The following ADGRL3 variants were observed in gnomAD, a reference collection of about 807,000 sequenced individuals.
ADGRL3 encodes the protein calcium-independent alpha-latrotoxin receptor 3.
In ADGRL3, 62 loss-of-function variants were observed where a neutral mutation model predicts 153.5. The ratio of observed to expected loss-of-function variants is 0.40; its 90% CI spans 0.33 to 0.50. ADGRL3 has a LOEUF of 0.50. Among genes scored for constraint, ADGRL3 ranks in the 20% least tolerant of loss-of-function variants. The pLI, the probability that ADGRL3 is intolerant of heterozygous loss-of-function variation, is 0.47. For missense variants in ADGRL3, 1,641 were observed against 1,859.4 expected, an observed-to-expected ratio of 0.88 and a Z score of 2.16; for synonymous variants, 710 against 672.5, an observed-to-expected ratio of 1.06 and a Z score of -0.86.
intron 26 of ADGRL3, among the ~76,000 whole-genome samples, chr4:62,069,526 A>G (rs1277897591): frequency 2.6e-5 from 4 of 152,034 alleles, no homozygotes; most frequent in African/African-American, 9.7e-5. Flanking sequence ...GAAATTTAAC[A>G]TAATCCTTTT....
At chr4:61,789,880 C>T (rs1348301067) in intron 8 of ADGRL3, among the ~76,000 whole-genome samples, 3 of 152,026 alleles carry the variant, frequency 2.0e-5, no homozygotes, top group Non-Finnish European at 4.4e-5. Context: ...AATACAAATG[C>T]ATGAATGAGC....
chr4:61,820,436 A>G (rs2097739306), intron 9 of ADGRL3, among the ~76,000 whole-genome samples: 1 of 151,438 alleles, frequency 6.6e-6, no homozygotes, highest in South Asian at 2.1e-4. Flanking sequence ...AGCTGCCACT[A>G]TAAATAGAAA....
At chr4:61,238,537 C>T (rs1753719961) in intron 1 of ADGRL3, among the ~76,000 whole-genome samples, 1 of 151,596 alleles carries the variant, frequency 6.6e-6, no homozygotes, top group South Asian at 2.1e-4. Context: ...GTGCTTACAG[C>T]AGTAATACCC....
At chr4:61,611,587 T>G (rs1050769987) in intron 5 of ADGRL3, among the ~76,000 whole-genome samples, 9 of 152,082 alleles carry the variant, frequency 5.9e-5, no homozygotes, top group African/African-American at 1.4e-4. Flanking sequence ...GTAAATATCT[T>G]TTTTTACATT....
chr4:61,211,310 C>A (rs2148855212), intron 1 of ADGRL3, among the ~76,000 whole-genome samples: 1 of 152,256 alleles, frequency 6.6e-6, no homozygotes, highest in East Asian at 1.9e-4. Flanking sequence ...CAGTTCCATG[C>A]CCCTACCCAG....
chr4:61,764,979 G>A (rs1015670864), intron 8 of ADGRL3, among the ~76,000 whole-genome samples: 2 of 151,918 alleles, frequency 1.3e-5, no homozygotes, highest in African/African-American at 4.8e-5. Context: ...GAAACTAAAT[G>A]GAATAACAGA....
chr4:62,021,087 A>T (rs559158667), intron 21 of ADGRL3, among the ~76,000 whole-genome samples: 201 of 151,608 alleles, frequency 1.3e-3, no homozygotes, highest in African/African-American at 4.7e-3. Flanking sequence ...AAAATACTTT[A>T]AAAAAAAACC....
intron 1 of ADGRL3, among the ~76,000 whole-genome samples, chr4:61,273,146 C>T (rs72634736): frequency 0.016 from 2,415 of 152,174 alleles, 32 homozygotes; most frequent in Middle Eastern, 0.037. Context: ...TTGTTGCTAT[C>T]GTTTTTAACA....
chr4:62,019,207 A>T (rs2151355733), intron 21 of ADGRL3, among the ~76,000 whole-genome samples: 1 of 152,124 alleles, frequency 6.6e-6, no homozygotes, highest in East Asian at 1.9e-4. Flanking sequence ...TTTTTCATTT[A>T]GGCCTAATCT....
rs1560571357 is a variant in ADGRL3 at position 61,397,188 on chromosome 4, C to T, written c.-174+13999C>T. ...AAAGTTATGTCTTTTAAACCACAAACTTTTTTTCTTGCAGATTAACATTGC... is the reference window on the plus strand; with the variant it reads ...AAAGTTATGTCTTTTAAACCACAAATTTTTTTTCTTGCAGATTAACATTGC... On this transcript the variant is annotated intron_variant, in intron 2 of 26. Transcript: ENST00000683033. 2.0e-5 allele frequency among the ~76,000 whole-genome samples: 3 copies of T among 151,560 alleles called. 1 individual carries two copies. The highest frequency in any genetic ancestry group is 2.0e-4 in the Admixed American group (3 of 15,174).
chr4:61,345,706 CT>C (rs2095887217), intron 1 of ADGRL3, among the ~76,000 whole-genome samples: 1 of 152,150 alleles, frequency 6.6e-6, no homozygotes, highest in Non-Finnish European at 1.5e-5. Flanking sequence ...TTTTCTGTTT[CT>C]TTTGTCCTCT....
intron 21 of ADGRL3, among the ~76,000 whole-genome samples, chr4:62,013,733 C>A (rs2099198041): frequency 6.6e-6 from 1 of 151,622 alleles, no homozygotes; most frequent in African/African-American, 2.4e-5. Flanking sequence ...ACTAAAAATA[C>A]AAAAATTAGC....
chr4:61,927,112 G>A (rs910379123), intron 13 of ADGRL3, among the ~76,000 whole-genome samples: 23 of 152,048 alleles, frequency 1.5e-4, no homozygotes, highest in Admixed American at 1.4e-3. Context: ...TCACTATATT[G>A]CCATTACCTT....
intron 2 of ADGRL3, among the ~76,000 whole-genome samples, chr4:61,431,778 C>G (rs894326821): frequency 5.9e-5 from 9 of 152,142 alleles, no homozygotes; most frequent in African/African-American, 9.7e-5. Flanking sequence ...TTCTTGTCTG[C>G]TAAAATCATG....
At chr4:62,069,968 C>T in intron 26 of ADGRL3, 141 bp from the exon 27 acceptor site, 2 of 676,278 alleles carry the variant, frequency 3.0e-6, no homozygotes, top group Non-Finnish European at 5.0e-6. Flanking sequence ...TTTCTGTTTC[C>T]TTCCAAACAT....
rs552795448 is a variant in ADGRL3 at position 61,434,521 on chromosome 4, T to A, written c.-174+51332T>A. 7.9e-5 allele frequency among the ~76,000 whole-genome samples: 12 copies of A among 152,232 alleles called. No individual in the cohort carries two copies. In the East Asian group the frequency reaches 2.1e-3, roughly 27 times the overall value. The stretch of plus-strand genomic sequence containing the variant: ...GCTAAAAATGAAATGATATTTTGAT[T>A]TTGACCTTTTCTTTCTGTAGTCAGA... On this transcript the variant is annotated intron_variant, in intron 2 of 26. Coordinates refer to ENST00000683033, the MANE Select transcript of ADGRL3 (RefSeq NM_001387552.1).
intron 19 of ADGRL3, 132 bp from the exon 20 acceptor site, chr4:61,996,159 A>G (rs2099120935): frequency 1.6e-6 from 1 of 632,464 alleles, no homozygotes. Context: ...TTAAATGAAC[A>G]AGCAATGTAA....
intron 1 of ADGRL3, among the ~76,000 whole-genome samples, chr4:61,259,860 T>C (rs935046897): frequency 6.6e-6 from 1 of 152,246 alleles, no homozygotes; most frequent in African/African-American, 2.4e-5. Flanking sequence ...TACAGGCCTG[T>C]GACATATTAG....
chr4:61,442,053 G>C (rs989001930), intron 2 of ADGRL3, among the ~76,000 whole-genome samples: 1 of 152,140 alleles, frequency 6.6e-6, no homozygotes, highest in Non-Finnish European at 1.5e-5. Context: ...AATGCACCTA[G>C]GATGTACAAT....
Sources: allele counts gnomAD v4.1 joint callset (sites outside exome capture counted in the v4.1 genomes callset), GRCh38; gene constraint gnomAD v4.1.1; transcripts MANE v1.5; gene names NCBI Gene and HGNC (gene_info 2026-07-23, HGNC 2026-07-21).